Variants in MCPH1 observed in about 807,000 individuals in gnomAD.
The protein encoded by MCPH1 is microcephalin.
In MCPH1, 104 loss-of-function variants were observed where a neutral mutation model predicts 84.5. The observed-to-expected ratio is 1.23, with a 90% CI of 1.05 to 1.45. The LOEUF (loss-of-function observed/expected upper bound fraction) is 1.45, where lower values mean the gene tolerates loss of function less well. MCPH1 is among the 40% of genes most tolerant of loss of function. The pLI, the probability that MCPH1 is intolerant of heterozygous loss-of-function variation, is 0.00. For synonymous variants in MCPH1, 514 were observed against 366.8 expected (o/e 1.40, Z -4.58); for missense variants, 1,498 against 1,005.7 (o/e 1.49, Z -6.62).
intron 2 of MCPH1, among the ~76,000 whole-genome samples, chr8:6,414,418 G>C (rs1216276796): frequency 2.0e-5 from 3 of 152,198 alleles, no homozygotes; most frequent in Non-Finnish European, 2.9e-5. Flanking sequence ...GATGTAGAAA[G>C]CTTTTCTGAA....
chr8:6,437,152 T>C (rs1270472148), intron 5 of MCPH1, among the ~76,000 whole-genome samples: 1 of 152,186 alleles, frequency 6.6e-6, no homozygotes, highest in African/African-American at 2.4e-5. Flanking sequence ...GTTTTTGTTT[T>C]CTTTGTTTTA....
chr8:6,529,453 C>CTTTTTTTT (rs200029751), intron 12 of MCPH1, among the ~76,000 whole-genome samples: 2 of 136,034 alleles, frequency 1.5e-5, no homozygotes, highest in Admixed American at 7.4e-5. Flanking sequence ...AGCCATTTTT[C>CTTTTTTTT]TTTTTTTTTT....
rs956202524 is a variant in MCPH1 at position 6,510,293 on chromosome 8, C to T, written c.2214+10364C>T. On this transcript the variant is annotated intron_variant, in intron 12 of 13. Coordinates refer to ENST00000344683, the MANE Select transcript of MCPH1 (RefSeq NM_024596.5). ...GCCATGTTGGCACGTTGGGTCCTCA[C>T]GTCCTGATGGAGAAACAGGCACACG... 1.4e-4 allele frequency among the ~76,000 whole-genome samples: 21 copies of T among 152,138 alleles called. 1 individual carries two copies. Among genetic ancestry groups the T allele is most frequent in the Admixed American group, 1.2e-3 (18 of 15,282 alleles).
intron 11 of MCPH1, among the ~76,000 whole-genome samples, chr8:6,492,393 A>G (rs1183494219): frequency 2.0e-5 from 3 of 151,734 alleles, no homozygotes; most frequent in South Asian, 4.1e-4. Flanking sequence ...AGATGAGTAG[A>G]TTGCAAAAAT....
chr8:6,621,453 G>T lies in MCPH1; in HGVS notation c.2215-1G>T, dbSNP rs557690276. ...TAATTCTATCTCTGTCTGCCCCACA[G>T]CTGTGCCGAAGCGAGTGCCACTTGT... On this transcript the variant is annotated splice_acceptor_variant, in intron 12 of 13. Transcript: ENST00000344683. LOFTEE classifies it high-confidence loss of function. The T allele has an allele frequency of 6.2e-7, 1 of 1,613,874 alleles. No homozygotes were observed. The highest frequency in any genetic ancestry group is 2.2e-5 in the East Asian group (1 of 44,874).
intron 12 of MCPH1, among the ~76,000 whole-genome samples, chr8:6,525,604 A>G (rs549433280): frequency 6.6e-6 from 1 of 152,254 alleles, no homozygotes; most frequent in African/African-American, 2.4e-5. Context: ...GGTTTGTCCA[A>G]TGTGAAACAC....
chr8:6,628,493 AAC>A (rs1438629436), intron 13 of MCPH1, among the ~76,000 whole-genome samples: 5 of 150,570 alleles, frequency 3.3e-5, no homozygotes, highest in Non-Finnish European at 5.9e-5. Context: ...AAAAAAAAAA[AAC>A]ATTAAAAGCA....
At chr8:6,564,784 T>C (rs1209652609) in intron 12 of MCPH1, among the ~76,000 whole-genome samples, 3 of 152,232 alleles carry the variant, frequency 2.0e-5, no homozygotes, top group African/African-American at 7.2e-5. Context: ...AGAAATCAGC[T>C]CTTTTTATTT....
intron 3 of MCPH1, among the ~76,000 whole-genome samples, chr8:6,422,335 G>T (rs1800330368): frequency 1.3e-5 from 1 of 75,620 alleles, no homozygotes; most frequent in African/African-American, 2.7e-5. Flanking sequence ...GGGGGAAAAT[G>T]ATTTGAAAAA....
chr8:6,634,692 C>T (rs1235418592), intron 13 of MCPH1: 1 of 152,208 alleles, frequency 6.6e-6, no homozygotes, highest in Non-Finnish European at 1.5e-5. Context: ...GTGCTCGCTG[C>T]AGAAAAGTTG....
At chr8:6,467,496 C>G (rs866656846) in intron 9 of MCPH1, among the ~76,000 whole-genome samples, 5 of 152,124 alleles carry the variant, frequency 3.3e-5, no homozygotes, top group African/African-American at 1.2e-4. Flanking sequence ...ATTTTTCTGT[C>G]ACTTTACTTC....
At chr8:6,516,790 A>C (rs1409884242) in intron 12 of MCPH1, among the ~76,000 whole-genome samples, 1 of 152,188 alleles carries the variant, frequency 6.6e-6, no homozygotes, top group African/African-American at 2.4e-5. Flanking sequence ...TTCAGTGTCA[A>C]AATTACTGCT....
In MCPH1 at chr8:6,430,167, A is replaced by T. The variant is rs147618377; in HGVS notation, c.234-1332A>T. 3.9e-3 allele frequency among the ~76,000 whole-genome samples: 595 copies of T among 152,228 alleles called. 9 individuals carry two copies. Among genetic ancestry groups the T allele is most frequent in the African/African-American group, 0.014 (571 of 41,518 alleles). The stretch of plus-strand genomic sequence containing the variant: ...TTCTCTGAACCATACTCGTTATGCA[A>T]CCTGTTGCTGCTTTTCTGCCTGGTT... On this transcript the variant is annotated intron_variant, in intron 3 of 13. Coordinates refer to ENST00000344683, the MANE Select transcript of MCPH1 (RefSeq NM_024596.5).
chr8:6,561,234 C>T (rs1050433571), intron 12 of MCPH1, among the ~76,000 whole-genome samples: 1 of 152,328 alleles, frequency 6.6e-6, no homozygotes, highest in East Asian at 1.9e-4. Flanking sequence ...TACTGGAGCG[C>T]TTAGCCAGGA....
At chr8:6,487,500 C>T (rs1361897607) in intron 11 of MCPH1, among the ~76,000 whole-genome samples, 2 of 152,226 alleles carry the variant, frequency 1.3e-5, no homozygotes, top group Non-Finnish European at 2.9e-5. Flanking sequence ...GTTCATCACC[C>T]TGCATTCCTA....
chr8:6,490,766 G>C (rs1189544818), intron 11 of MCPH1, among the ~76,000 whole-genome samples: 2 of 152,056 alleles, frequency 1.3e-5, no homozygotes, highest in Non-Finnish European at 2.9e-5. Flanking sequence ...CTTAACCAGA[G>C]AATGAGAATT....
At chr8:6,542,007 CAAA>C (rs764731302) in intron 12 of MCPH1, among the ~76,000 whole-genome samples, 2 of 57,226 alleles carry the variant, frequency 3.5e-5, no homozygotes, top group African/African-American at 6.1e-5. Flanking sequence ...GACTCAATCT[CAAA>C]AAAAAAAAAA....
intron 11 of MCPH1, among the ~76,000 whole-genome samples, chr8:6,481,212 A>C (rs1391649977): frequency 1.3e-5 from 2 of 152,204 alleles, no homozygotes; most frequent in African/African-American, 4.8e-5. Flanking sequence ...ATGTGTGACC[A>C]AGAAACATTG....
At chr8:6,592,733 C>A (rs891815274) in intron 12 of MCPH1, among the ~76,000 whole-genome samples, 3 of 149,812 alleles carry the variant, frequency 2.0e-5, no homozygotes, top group African/African-American at 2.5e-5. Flanking sequence ...GGGCTCACTG[C>A]AACCTCTGCC....
Sources: allele counts gnomAD v4.1 joint callset (sites outside exome capture counted in the v4.1 genomes callset), GRCh38; gene constraint gnomAD v4.1.1; transcripts MANE v1.5; gene names NCBI Gene and HGNC (gene_info 2026-07-23, HGNC 2026-07-21).